SORBS2: variants seen among roughly 807,000 people sequenced by gnomAD.
SORBS2 encodes sorbin and SH3 domain-containing protein 2.
In SORBS2, 46 loss-of-function variants were observed where a neutral mutation model predicts 97.7. The observed-to-expected ratio is 0.47, with a 90% CI of 0.37 to 0.60. The LOEUF (loss-of-function observed/expected upper bound fraction) is 0.60, where lower values mean the gene tolerates loss of function less well. Ranked by LOEUF, SORBS2 falls within the 20% of genes least tolerant of loss-of-function variation. The pLI, the probability that SORBS2 is intolerant of heterozygous loss-of-function variation, is 0.00. For missense variants in SORBS2, 1,316 were observed against 1,282.3 expected, an observed-to-expected ratio of 1.03 and a Z score of -0.40; for synonymous variants, 476 against 473.4, an observed-to-expected ratio of 1.01 and a Z score of -0.07.
chr4:185,627,582 C>T (rs1358062014), intron 5 of SORBS2, among the ~76,000 whole-genome samples: 1 of 152,104 alleles, frequency 6.6e-6, no homozygotes, highest in Non-Finnish European at 1.5e-5. Flanking sequence ...TAGAGAGTTT[C>T]CTTATAGTCC....
At chr4:185,934,272 G>A (rs555430642) in intron 1 of SORBS2, among the ~76,000 whole-genome samples, 9 of 152,244 alleles carry the variant, frequency 5.9e-5, no homozygotes, top group South Asian at 4.2e-4. Context: ...TTTCAGAACC[G>A]CTCTTCATGG....
chr4:185,837,267 A>T lies in SORBS2; in HGVS notation c.-337-61901T>A, dbSNP rs184501931. ...TTTGTCCCTAGAAAAAAAAAAGATGAAAGGCCAGAACTGCCTACAAGTTGC... is the reference window on the plus strand; with the variant it reads ...TTTGTCCCTAGAAAAAAAAAAGATGTAAGGCCAGAACTGCCTACAAGTTGC... On this transcript the variant is annotated intron_variant, in intron 1 of 20. Coordinates refer to the SORBS2 transcript ENST00000284776. Among the ~76,000 whole-genome samples, 358 of 152,284 alleles carry T rather than the reference A, an allele frequency of 2.4e-3. 2 individuals are homozygous for T. Among genetic ancestry groups the T allele is most frequent in the African/African-American group, 8.4e-3 (348 of 41,552 alleles).
At chr4:185,651,871 C>T (rs1332150467) in intron 2 of SORBS2, 43 bp from the exon 11 acceptor site, 1 of 977,510 alleles carries the variant, frequency 1.0e-6, no homozygotes, top group Middle Eastern at 2.1e-4. Context: ...TAGATTGTCA[C>T]CAAAGGACAA....
intron 2 of SORBS2, among the ~76,000 whole-genome samples, chr4:185,745,373 G>T (rs1335709478): frequency 6.6e-6 from 1 of 152,042 alleles, no homozygotes; most frequent in Admixed American, 6.5e-5. Flanking sequence ...AATTTTTGGC[G>T]TTCATATTTT....
chr4:185,942,308 C>T (rs898176854), intron 1 of SORBS2, among the ~76,000 whole-genome samples: 7 of 152,110 alleles, frequency 4.6e-5, no homozygotes, highest in South Asian at 2.1e-4. Context: ...GTCCTCAAAT[C>T]GAACAGGACC....
intron 2 of SORBS2, among the ~76,000 whole-genome samples, chr4:185,708,930 C>T (rs945826261): frequency 2.8e-4 from 43 of 152,230 alleles, no homozygotes; most frequent in African/African-American, 9.4e-4. Flanking sequence ...TCTGGATCTC[C>T]AATCTTTATA....
At chr4:185,627,626 A>G (rs2096838023) in intron 5 of SORBS2, among the ~76,000 whole-genome samples, 1 of 152,092 alleles carries the variant, frequency 6.6e-6, no homozygotes, top group African/African-American at 2.4e-5. Flanking sequence ...TATCATTTAC[A>G]TATTCTTTTG....
At chr4:185,614,369 G>A (rs1391603272) in intron 11 of SORBS2, among the ~76,000 whole-genome samples, 1 of 151,894 alleles carries the variant, frequency 6.6e-6, no homozygotes. Context: ...GCACTGCAGA[G>A]ATGGCTCTTA....
At chr4:185,648,868 C>A (rs532253930) in intron 3 of SORBS2, among the ~76,000 whole-genome samples, 1 of 152,024 alleles carries the variant, frequency 6.6e-6, no homozygotes, top group Non-Finnish European at 1.5e-5. Flanking sequence ...TTGTAATGAG[C>A]GCTCAATGAA....
chr4:185,796,540 G>A (rs13127495), intron 1 of SORBS2, among the ~76,000 whole-genome samples: 9,902 of 56,094 alleles, frequency 0.18, 233 homozygotes, highest in East Asian at 0.31. Flanking sequence ...GGTCACGGTG[G>A]GGCTGGGCAT....
chr4:185,677,471 A>T (rs1299858561), intron 4 of SORBS2: 1 of 1,551,860 alleles, frequency 6.4e-7, no homozygotes, highest in East Asian at 2.4e-5. Flanking sequence ...TCTGTCTCGA[A>T]TCTTCATTGG....
intron 4 of SORBS2, among the ~76,000 whole-genome samples, chr4:185,674,626 C>CT (rs2097766937): frequency 6.6e-6 from 1 of 152,198 alleles, no homozygotes; most frequent in South Asian, 2.1e-4. Context: ...CTTGCAATGG[C>CT]TTATAAGGCC....
chr4:185,752,435 C>G (rs375018153), intron 2 of SORBS2, among the ~76,000 whole-genome samples: 1 of 152,108 alleles, frequency 6.6e-6, no homozygotes, highest in African/African-American at 2.4e-5. Context: ...GCCACCACAC[C>G]CAGCTAATTT....
intron 2 of SORBS2, among the ~76,000 whole-genome samples, chr4:185,724,641 T>C (rs909265538): frequency 1.3e-5 from 2 of 152,132 alleles, no homozygotes; most frequent in Non-Finnish European, 2.9e-5. Flanking sequence ...TAGTGTGACC[T>C]CAAGGCCACC....
chr4:185,842,452 C>G (rs1485913547), intron 1 of SORBS2, among the ~76,000 whole-genome samples: 1 of 152,116 alleles, frequency 6.6e-6, no homozygotes, highest in Non-Finnish European at 1.5e-5. Context: ...GAGTTACCTA[C>G]CTGATCTCAT....
chr4:185,650,948 G>A (rs572728038), intron 2 of SORBS2, among the ~76,000 whole-genome samples: 1 of 152,084 alleles, frequency 6.6e-6, no homozygotes, highest in Non-Finnish European at 1.5e-5. Flanking sequence ...GCCTGAATGT[G>A]GTCTCCAGGG....
At position 185,684,409 on chromosome 4, in the gene SORBS2, C is replaced by A. The variant is rs1295683002; in HGVS notation, c.-197-5587G>T. 6.6e-6 allele frequency among the ~76,000 whole-genome samples: 1 copy of A among 152,000 alleles called. No homozygotes were observed. Among genetic ancestry groups the A allele is most frequent in the Non-Finnish European group, 1.5e-5 (1 of 68,010 alleles). ...CTGTTCACAACCTTTGACAAAGAAT[C>A]CAGTTAATGAAGATTCAGTTTCCTA... On this transcript the variant is annotated intron_variant, in intron 2 of 20. Transcript: ENST00000284776. The surrounding 1 kb of genome is among the most constrained non-coding windows in gnomAD (Gnocchi z 4.2).
intron 1 of SORBS2, among the ~76,000 whole-genome samples, chr4:185,847,832 C>T (rs764508779): frequency 1.3e-4 from 20 of 152,160 alleles, no homozygotes; most frequent in Admixed American, 9.8e-4. Context: ...CTGGCTTCAT[C>T]GGCAAGGATT....
In SORBS2 at chr4:185,950,636, A is replaced by G. The variant is rs1337095404; in HGVS notation, c.-338+5560T>C. 2.0e-5 allele frequency among the ~76,000 whole-genome samples: 3 copies of G among 152,202 alleles called. No homozygotes were observed. The East Asian group carries it at 5.8e-4, about 29-fold the overall frequency. ...AGGACTTCAGCAATGATTTTTTAAA[A>G]TGCATATTTGGAGCCTTAACACAAG... On this transcript the variant is annotated intron_variant, in intron 1 of 20. Transcript: ENST00000284776.
Sources: gnomAD v4.1 joint callset for allele counts (sites outside exome capture counted in the v4.1 genomes callset) on GRCh38, gnomAD v4.1.1 for gene constraint, Gnocchi (gnomAD v3.1) non-coding constraint, MANE v1.5 for transcripts, NCBI Gene and HGNC (gene_info 2026-07-23, HGNC 2026-07-21) for gene names.